Variants in TGFBR2 observed in about 807,000 individuals in gnomAD.
TGFBR2 encodes transforming growth factor beta receptor 2.
Under a neutral mutation model 49.0 loss-of-function variants are expected in TGFBR2, and 18 were observed. That is an observed-to-expected ratio of 0.37 (90% CI 0.25 to 0.54). TGFBR2 has a LOEUF of 0.54. Among genes scored for constraint, TGFBR2 ranks in the 20% least tolerant of loss-of-function variants. TGFBR2 has a pLI of 0.85. For synonymous variants in TGFBR2, 282 were observed against 275.9 expected, an observed-to-expected ratio of 1.02 and a Z score of -0.22; for missense variants, 525 against 722.6, an observed-to-expected ratio of 0.73 and a Z score of 3.13.
rs539911310 is a variant in TGFBR2, at chr3:30,665,154, G to A, written c.455-6484G>A. ...ACATGCCAGCATGTTCACCTAAAGC[G>A]AGAGTATATATGCAACTGGCTGAGA... On this transcript the variant is annotated intron_variant, in intron 3 of 6. Transcript: ENST00000295754. Among the ~76,000 whole-genome samples, 33 of 152,338 alleles carry A rather than the reference G, an allele frequency of 2.2e-4. No homozygotes were observed. The South Asian group carries it at 6.6e-3, about 31-fold the overall frequency.
chr3:30,662,767 A>T (rs1001292757), intron 3 of TGFBR2, among the ~76,000 whole-genome samples: 9 of 152,232 alleles, frequency 5.9e-5, no homozygotes, highest in African/African-American at 2.2e-4. Context: ...CTCATTGGCT[A>T]GTGCTGAATA....
chr3:30,659,210 T>G lies in TGFBR2; in HGVS notation c.454+8750T>G, dbSNP rs11466509. On this transcript the variant is annotated intron_variant, in intron 3 of 6. Coordinates refer to ENST00000295754, the MANE Select transcript of TGFBR2 (RefSeq NM_003242.6). ...TCAAAAGAAACAAACCAGATTTACTTTCTGGTCTAAATGCAGAAGAAAAAA... is the reference window on the plus strand; with the variant it reads ...TCAAAAGAAACAAACCAGATTTACTGTCTGGTCTAAATGCAGAAGAAAAAA... 6.8e-3 allele frequency among the ~76,000 whole-genome samples: 1,033 copies of G among 152,322 alleles called. 11 individuals carry two copies. The highest frequency in any genetic ancestry group is 0.024 in the African/African-American group (994 of 41,578).
chr3:30,634,893 T>C (rs1255310784), intron 1 of TGFBR2, among the ~76,000 whole-genome samples: 1 of 152,210 alleles, frequency 6.6e-6, no homozygotes, highest in African/African-American at 2.4e-5. Flanking sequence ...TCACTTGATC[T>C]AATATACCAT....
At chr3:30,606,531 A>C (rs1001107554), upstream of TGFBR2, 5 of 268,320 alleles carry the variant, frequency 1.9e-5, no homozygotes, top group Admixed American at 5.4e-5. Flanking sequence ...GGGCGGAGAG[A>C]GGTCCTGCCC....
intron 1 of TGFBR2, among the ~76,000 whole-genome samples, chr3:30,638,624 T>A (rs922554620): frequency 1.3e-5 from 2 of 152,222 alleles, no homozygotes; most frequent in Non-Finnish European, 2.9e-5. Flanking sequence ...GAGTGTGCAA[T>A]AGATGTTCAG....
At chr3:30,625,761 T>C (rs1230432484) in intron 1 of TGFBR2, among the ~76,000 whole-genome samples, 2 of 152,216 alleles carry the variant, frequency 1.3e-5, no homozygotes, top group African/African-American at 4.8e-5. Flanking sequence ...GGCTTGATTG[T>C]ACATGTATAT....
At position 30,608,329 on chromosome 3, in the gene TGFBR2, T is replaced by G. The variant is rs1697970451; in HGVS notation, c.94+1352T>G. 2.0e-5 allele frequency among the ~76,000 whole-genome samples: 3 copies of G among 152,296 alleles called. 1 individual carries two copies. The South Asian group carries it at 6.2e-4, about 32-fold the overall frequency. On this transcript the variant is annotated intron_variant, in intron 1 of 6. Coordinates refer to ENST00000295754, the MANE Select transcript of TGFBR2 (RefSeq NM_003242.6). ...TATTTGGGCAAGTCATAGAGCTTTT[T>G]CTGGGCCTTAGTTTCCTCATCTGTA...
chr3:30,668,751 A>G (rs3773643), intron 3 of TGFBR2, among the ~76,000 whole-genome samples: 28,973 of 151,748 alleles, frequency 0.19, 2,934 homozygotes, highest in Admixed American at 0.23. Context: ...AAATGCATTC[A>G]TATATCTTTC....
intron 3 of TGFBR2, chr3:30,661,702 G>A: frequency 4.8e-6 from 2 of 416,676 alleles, no homozygotes; most frequent in South Asian, 3.5e-5. Flanking sequence ...AAAACAGAAA[G>A]AACAAACCAT....
In TGFBR2 at chr3:30,691,688, C is replaced by G; in HGVS notation, c.*89C>G. 1 of 1,529,510 alleles carries G rather than the reference C, an allele frequency of 6.5e-7. No individual in the cohort carries two copies. The highest frequency in any genetic ancestry group is 9.0e-7 in the Non-Finnish European group (1 of 1,106,186). The allele number at this position is 1,529,510 out of a possible 1,614,324, so 94.7% of individuals were successfully genotyped here. On this transcript the variant is annotated 3_prime_UTR_variant, in exon 7 of 7. Transcript: ENST00000295754. Reference sequence around the variant, plus strand: ...GCAGGAAGCTGCCCCTGAACTGATGCTTCCTGGAAAACCAAGGGGGTCACT... The same window carrying G: ...GCAGGAAGCTGCCCCTGAACTGATGGTTCCTGGAAAACCAAGGGGGTCACT...
chr3:30,655,192 T>G (rs914385159), intron 3 of TGFBR2, among the ~76,000 whole-genome samples: 1 of 152,192 alleles, frequency 6.6e-6, no homozygotes, highest in Non-Finnish European at 1.5e-5. Flanking sequence ...TTAGCAGTAG[T>G]TGGGCTTTTT....
intron 5 of TGFBR2, among the ~76,000 whole-genome samples, chr3:30,680,375 T>C (rs764599887): frequency 6.6e-6 from 1 of 152,222 alleles, no homozygotes; most frequent in African/African-American, 2.4e-5. Flanking sequence ...ATAACTGTTT[T>C]ATCTTTATTT....
Position 30,692,210 on chromosome 3 carries a change from C to T in TGFBR2, c.*611C>T, listed in dbSNP as rs754062251. On this transcript the variant is annotated 3_prime_UTR_variant, in exon 7 of 7. Coordinates refer to ENST00000295754, the MANE Select transcript of TGFBR2 (RefSeq NM_003242.6). The stretch of plus-strand genomic sequence containing the variant: ...TAATCATTCCCTGCCTAGCACTTCT[C>T]TTCTGGCCATGGAACTAAGTACAGT... 1 of 228,082 alleles carries T rather than the reference C, an allele frequency of 4.4e-6. No individual in the cohort carries two copies. Among genetic ancestry groups the T allele is most frequent in the Non-Finnish European group, 8.7e-6 (1 of 114,506 alleles). 14.1% of individuals were successfully genotyped at this position (228,082 alleles called of 1,614,324 possible). A position where few individuals can be genotyped will look rare whatever the true frequency, so the allele number is the denominator to read the frequency against.
At chr3:30,673,987 C>T (rs925779333) in intron 4 of TGFBR2, 118 bp from the exon 5 acceptor site, 1 of 1,144,092 alleles carries the variant, frequency 8.7e-7, no homozygotes, top group Non-Finnish European at 1.3e-6. Flanking sequence ...TTTAAAACAG[C>T]ACTTTGATTT....
Position 30,691,697 on chromosome 3 carries a change from A to T in TGFBR2, c.*98A>T. On this transcript the variant is annotated 3_prime_UTR_variant, in exon 7 of 7. Coordinates refer to ENST00000295754, the MANE Select transcript of TGFBR2 (RefSeq NM_003242.6). ...TGCCCCTGAACTGATGCTTCCTGGA[A>T]AACCAAGGGGGTCACTCCCCTCCCT... 1 of 1,430,590 alleles carries T rather than the reference A, an allele frequency of 7.0e-7. No homozygotes were observed. The highest frequency in any genetic ancestry group is 9.8e-7 in the Non-Finnish European group (1 of 1,017,588). 88.6% of individuals were successfully genotyped at this position (1,430,590 alleles called of 1,614,324 possible).
At chr3:30,640,944 T>C (rs1323722971) in intron 1 of TGFBR2, among the ~76,000 whole-genome samples, 2 of 152,230 alleles carry the variant, frequency 1.3e-5, no homozygotes, top group Non-Finnish European at 2.9e-5. Flanking sequence ...ACATTATGTA[T>C]TAAACGTAAG....
chr3:30,640,277 T>A (rs1402688630), intron 1 of TGFBR2, among the ~76,000 whole-genome samples: 1 of 152,228 alleles, frequency 6.6e-6, no homozygotes, highest in Non-Finnish European at 1.5e-5. Flanking sequence ...CAGATATTCT[T>A]ATTGGAACTT....
chr3:30,640,156 A>G (rs1402110413), intron 1 of TGFBR2, among the ~76,000 whole-genome samples: 1 of 152,042 alleles, frequency 6.6e-6, no homozygotes, highest in Non-Finnish European at 1.5e-5. Context: ...TTTTGATATT[A>G]CTCATGGGCT....
chr3:30,617,603 A>G (rs1439945337), intron 1 of TGFBR2, among the ~76,000 whole-genome samples: 1 of 151,938 alleles, frequency 6.6e-6, no homozygotes, highest in Admixed American at 6.6e-5. Flanking sequence ...CTACTTTCTC[A>G]CTTCTTTAGG....
Sources: allele counts gnomAD v4.1 joint callset (sites outside exome capture counted in the v4.1 genomes callset), GRCh38; gene constraint gnomAD v4.1.1; transcripts MANE v1.5; gene names NCBI Gene and HGNC (gene_info 2026-07-23, HGNC 2026-07-21).